SEL1L3: variants seen among roughly 807,000 people sequenced by gnomAD.
SEL1L3 encodes the protein SEL1L family member 3, also known as protein sel-1 homolog 3.
SEL1L3 carries 76 observed loss-of-function variants against 142.8 expected under a neutral mutation model. The observed-to-expected ratio is 0.53, with a 90% CI of 0.44 to 0.64. The LOEUF is 0.64. Among genes scored for constraint, SEL1L3 ranks in the 30% least tolerant of loss-of-function variants. The pLI, the probability that SEL1L3 is intolerant of heterozygous loss-of-function variation, is 0.00. For synonymous variants in SEL1L3, 504 were observed against 519.6 expected, an observed-to-expected ratio of 0.97 and a Z score of 0.41; for missense variants, 1,262 against 1,381.7, an observed-to-expected ratio of 0.91 and a Z score of 1.37.
At chr4:25,777,587 C>A in intron 16 of SEL1L3, 1 of 318,118 alleles carries the variant, frequency 3.1e-6, no homozygotes, top group South Asian at 2.6e-5. Flanking sequence ...GACCATATAC[C>A]AATCATAAAG....
At chr4:25,850,551 T>C (rs913072633) in intron 1 of SEL1L3, among the ~76,000 whole-genome samples, 4 of 152,214 alleles carry the variant, frequency 2.6e-5, no homozygotes, top group Non-Finnish European at 5.9e-5. Context: ...ATAAATGCAC[T>C]CACCCTCTGG....
intron 1 of SEL1L3, chr4:25,862,107 T>G (rs1204435342): frequency 6.6e-6 from 1 of 152,170 alleles, no homozygotes; most frequent in East Asian, 1.9e-4. Flanking sequence ...CATCCGCAAC[T>G]TGGCTGGAGT....
At chr4:25,725,671 T>C in the SEL1L3 span, among the ~76,000 whole-genome samples, 1 of 152,156 alleles carries the variant, frequency 6.6e-6, no homozygotes, top group African/African-American at 2.4e-5. Flanking sequence ...GGGTGGATTG[T>C]TCATGAATTT....
intron 17 of SEL1L3, 101 bp downstream of exon 17, chr4:25,776,176 C>A: frequency 1.4e-6 from 1 of 691,616 alleles, no homozygotes. Flanking sequence ...CTGTGATTTC[C>A]CTGCAAATTG....
chr4:25,785,896 G>A (rs193125965), intron 13 of SEL1L3, among the ~76,000 whole-genome samples: 1 of 152,260 alleles, frequency 6.6e-6, no homozygotes, highest in African/African-American at 2.4e-5. Flanking sequence ...CACAGTTAGA[G>A]CTGCAATGAC....
At chr4:25,774,979 G>A (rs1262822916) in intron 17 of SEL1L3, among the ~76,000 whole-genome samples, 1 of 152,178 alleles carries the variant, frequency 6.6e-6, no homozygotes, top group Non-Finnish European at 1.5e-5. Context: ...CTCTTCCTTT[G>A]GGAAAACCCC....
chr4:25,757,533 C>T lies in SEL1L3; in HGVS notation c.3259+1G>A. Reference sequence around the variant, plus strand: ...TGCTTTCGCTTTTTATAAATCTTTACCTGAGACAGACTGGAAATACTGCAC... The same window carrying T: ...TGCTTTCGCTTTTTATAAATCTTTATCTGAGACAGACTGGAAATACTGCAC... On this transcript the variant is annotated splice_donor_variant, in intron 23 of 23. Transcript: ENST00000399878. LOFTEE classifies it high-confidence loss of function. The T allele has an allele frequency of 1.3e-6, 2 of 1,527,216 alleles. No individual in the cohort carries two copies. Among genetic ancestry groups the T allele is most frequent in the Non-Finnish European group, 1.8e-6 (2 of 1,130,828 alleles). 94.6% of individuals were successfully genotyped at this position (1,527,216 alleles called of 1,614,324 possible).
chr4:25,847,174 G>C, intron 2 of SEL1L3, 120 bp downstream of exon 2: 2 of 757,852 alleles, frequency 2.6e-6, no homozygotes, highest in South Asian at 3.8e-5. Context: ...GACTCATTGT[G>C]TCCCTCCATC....
At position 25,844,339 on chromosome 4, in the gene SEL1L3, G is replaced by A. The variant is rs185505577; in HGVS notation, c.733+2955C>T. 9.7e-4 allele frequency among the ~76,000 whole-genome samples: 148 copies of A among 152,104 alleles called. 2 individuals are homozygous for A. Among genetic ancestry groups the A allele is most frequent in the African/African-American group, 2.8e-3 (115 of 41,500 alleles). On this transcript the variant is annotated intron_variant, in intron 2 of 23. Transcript: ENST00000399878. Reference sequence around the variant, plus strand: ...AAGGAAGAATGTGTGCCCCTTTTTCGGTAAACAAATCACAGCCTTGTAATC... The same window carrying A: ...AAGGAAGAATGTGTGCCCCTTTTTCAGTAAACAAATCACAGCCTTGTAATC...
intron 13 of SEL1L3, among the ~76,000 whole-genome samples, chr4:25,784,790 C>A (rs1711675225): frequency 6.6e-6 from 1 of 152,218 alleles, no homozygotes; most frequent in Non-Finnish European, 1.5e-5. Flanking sequence ...TAGAAGGCAG[C>A]AGAATTGGTT....
Position 25,846,912 on chromosome 4 carries a change from CA to C in SEL1L3, c.733+381del, listed in dbSNP as rs71184268. ...TGGGCAACAGAACAAGACTCCATCT[CA>C]AAAAAAAAAAAAAAAAAAAAAGAGG... On this transcript the variant is annotated intron_variant, in intron 2 of 23. Transcript: ENST00000399878. Among the ~76,000 whole-genome samples, 32 of 71,802 alleles carry C rather than the reference CA, an allele frequency of 4.5e-4. 1 individual carries two copies. Among genetic ancestry groups the C allele is most frequent in the Admixed American group, 8.8e-4 (5 of 5,686 alleles). The allele number at this position is 71,802 out of a possible 152,430, so 47.1% of individuals were successfully genotyped here.
intron 20 of SEL1L3, among the ~76,000 whole-genome samples, chr4:25,764,250 G>A (rs1483667052): frequency 6.6e-6 from 1 of 152,178 alleles, no homozygotes; most frequent in African/African-American, 2.4e-5. Context: ...GTCATAGATT[G>A]GAGAAGATTG....
At chr4:25,835,687 G>A (rs944036420) in intron 2 of SEL1L3, among the ~76,000 whole-genome samples, 4 of 152,198 alleles carry the variant, frequency 2.6e-5, no homozygotes, top group East Asian at 1.9e-4. Flanking sequence ...GCTAAGAAAA[G>A]TATCTGAATT....
At chr4:25,777,738 C>A (rs1719730364) in intron 16 of SEL1L3, 3 of 439,582 alleles carry the variant, frequency 6.8e-6, no homozygotes, top group African/African-American at 2.0e-5. Context: ...TACTAAATAA[C>A]AATGATAAAA....
chr4:25,778,172 A>G (rs1262223637), intron 16 of SEL1L3, among the ~76,000 whole-genome samples: 1 of 152,168 alleles, frequency 6.6e-6, no homozygotes, highest in Non-Finnish European at 1.5e-5. Context: ...ATTTAAGTGC[A>G]GACCAAGAAA....
chr4:25,783,009 G>A (rs1349423756), intron 14 of SEL1L3, among the ~76,000 whole-genome samples: 1 of 152,162 alleles, frequency 6.6e-6, no homozygotes, highest in Non-Finnish European at 1.5e-5. Flanking sequence ...ACACTTTTCA[G>A]GCCATGACTA....
intron 9 of SEL1L3, among the ~76,000 whole-genome samples, chr4:25,808,244 A>C (rs545024409): frequency 2.8e-4 from 43 of 152,366 alleles, no homozygotes; most frequent in Admixed American, 1.2e-3. Context: ...AACAAACAAA[A>C]TAGAAGAAGC....
the SEL1L3 span, among the ~76,000 whole-genome samples, chr4:25,734,058 C>G: frequency 6.6e-6 from 1 of 151,992 alleles, no homozygotes; most frequent in Non-Finnish European, 1.5e-5. Flanking sequence ...CTCGCTCTGG[C>G]TGTCGCCCAG....
chr4:25,827,022 GGT>G (rs1406075581), intron 6 of SEL1L3, among the ~76,000 whole-genome samples: 2 of 152,074 alleles, frequency 1.3e-5, no homozygotes, highest in African/African-American at 2.4e-5. Context: ...ATGTAGAGTT[GGT>G]GTGTGCCCCC....
Sources: allele counts gnomAD v4.1 joint callset (sites outside exome capture counted in the v4.1 genomes callset), GRCh38; gene constraint gnomAD v4.1.1; transcripts MANE v1.5; gene names NCBI Gene and HGNC (gene_info 2026-07-23, HGNC 2026-07-21).